SLC2A13: variants seen among roughly 807,000 people sequenced by gnomAD.
SLC2A13 encodes the protein solute carrier family 2 member 13.
SLC2A13 carries 32 observed loss-of-function variants against 64.4 expected under a neutral mutation model. That is an observed-to-expected ratio of 0.50 (90% confidence interval 0.37 to 0.67). The LOEUF (loss-of-function observed/expected upper bound fraction) is 0.67, where lower values mean the gene tolerates loss of function less well. Among genes scored for constraint, SLC2A13 ranks in the 30% least tolerant of loss-of-function variants. The pLI is 0.00. For synonymous variants in SLC2A13, 338 were observed against 327.1 expected (o/e 1.03, Z -0.36); for missense variants, 743 against 829.2 (o/e 0.90, Z 1.28).
At chr12:39,772,894 G>A (rs1940635907) in intron 7 of SLC2A13, among the ~76,000 whole-genome samples, 3 of 152,046 alleles carry the variant, frequency 2.0e-5, no homozygotes, top group African/African-American at 7.2e-5. Flanking sequence ...TGCTGATTTT[G>A]GGAAGGCACT....
chr12:39,905,771 A>G (rs1945257066), intron 4 of SLC2A13, among the ~76,000 whole-genome samples: 1 of 151,726 alleles, frequency 6.6e-6, no homozygotes, highest in South Asian at 2.1e-4. Flanking sequence ...AAAGTCTGCC[A>G]CAAATTGAAA....
intron 4 of SLC2A13, among the ~76,000 whole-genome samples, chr12:39,939,163 C>T (rs574231573): frequency 2.6e-4 from 39 of 152,288 alleles, no homozygotes; most frequent in African/African-American, 8.7e-4. Context: ...CTTCTTCCTT[C>T]TCTATTCCAC....
intron 4 of SLC2A13, among the ~76,000 whole-genome samples, chr12:39,937,815 A>G (rs1945942050): frequency 6.6e-6 from 1 of 152,166 alleles, no homozygotes; most frequent in African/African-American, 2.4e-5. Flanking sequence ...CCCACCATCT[A>G]AGGAGGCTTT....
intron 3 of SLC2A13, among the ~76,000 whole-genome samples, chr12:39,955,799 C>T (rs1390953): frequency 0.91 from 138,728 of 152,114 alleles, 63,995 homozygotes; most frequent in South Asian, 0.98. Context: ...ATTGGACCTA[C>T]GCAGCCAAAA....
At chr12:39,866,215 C>A (rs765631260) in intron 5 of SLC2A13, among the ~76,000 whole-genome samples, 1 of 152,130 alleles carries the variant, frequency 6.6e-6, no homozygotes, top group African/African-American at 2.4e-5. Context: ...TGAGAAGCAT[C>A]GTGGAAGTAC....
At chr12:39,853,914 T>TAAG (rs1943534134) in intron 6 of SLC2A13, among the ~76,000 whole-genome samples, 1 of 152,160 alleles carries the variant, frequency 6.6e-6, no homozygotes, top group Non-Finnish European at 1.5e-5. Flanking sequence ...TTAAAAACTC[T>TAAG]TGTTTTAGTG....
At chr12:39,918,987 T>C (rs1945568245) in intron 4 of SLC2A13, among the ~76,000 whole-genome samples, 1 of 151,996 alleles carries the variant, frequency 6.6e-6, no homozygotes, top group Non-Finnish European at 1.5e-5. Flanking sequence ...TATACATTTT[T>C]TTTTTAAGAG....
intron 4 of SLC2A13, among the ~76,000 whole-genome samples, chr12:39,943,804 G>A (rs548278332): frequency 7.2e-5 from 11 of 152,126 alleles, no homozygotes; most frequent in South Asian, 4.1e-4. Context: ...CTTTTCCCAC[G>A]GTCTTTGCAA....
At chr12:39,780,243 C>T (rs1277561362) in intron 7 of SLC2A13, among the ~76,000 whole-genome samples, 1 of 152,206 alleles carries the variant, frequency 6.6e-6, no homozygotes, top group African/African-American at 2.4e-5. Context: ...CAAGATTACA[C>T]AGTGACAGCA....
At chr12:39,810,369 C>T (rs190557676) in intron 7 of SLC2A13, among the ~76,000 whole-genome samples, 73 of 152,194 alleles carry the variant, frequency 4.8e-4, no homozygotes, top group African/African-American at 1.7e-3. Flanking sequence ...TCTACAATGA[C>T]CTTTTTTGAG....
intron 1 of SLC2A13, among the ~76,000 whole-genome samples, chr12:40,059,799 C>G (rs901587650): frequency 2.6e-5 from 4 of 152,054 alleles, no homozygotes; most frequent in Non-Finnish European, 4.4e-5. Context: ...CCCAGAAAGG[C>G]CTGTTAGATT....
Position 39,759,859 on chromosome 12 carries a change from A to T in SLC2A13, c.*167T>A. ...AAATATTGTTCCTTGTGGAAAAAAA[A>T]AGTCATCATGGTTGTATCTTCCTCC... On this transcript the variant is annotated 3_prime_UTR_variant, in exon 10 of 10. Transcript: ENST00000280871. The T allele has an allele frequency of 1.8e-6, 1 of 569,168 alleles. No individual in the cohort carries two copies. Among genetic ancestry groups the T allele is most frequent in the Non-Finnish European group, 3.1e-6 (1 of 324,092 alleles). 35.3% of individuals were successfully genotyped at this position (569,168 alleles called of 1,614,324 possible). A position where few individuals can be genotyped will look rare whatever the true frequency, so the allele number is the denominator to read the frequency against.
intron 6 of SLC2A13, among the ~76,000 whole-genome samples, chr12:39,848,425 T>A (rs1335801359): frequency 6.6e-6 from 1 of 151,882 alleles, no homozygotes; most frequent in Non-Finnish European, 1.5e-5. Flanking sequence ...ATGAAAAAAA[T>A]TCCATATCAC....
Position 39,842,243 on chromosome 12 carries a change from T to A in SLC2A13, c.1320-12015A>T, listed in dbSNP as rs571659463. 1.7e-4 allele frequency among the ~76,000 whole-genome samples: 26 copies of A among 152,170 alleles called. 1 individual carries two copies. In the South Asian group the frequency reaches 5.4e-3, roughly 32 times the overall value. On this transcript the variant is annotated intron_variant, in intron 6 of 9. Coordinates refer to ENST00000280871, the MANE Select transcript of SLC2A13 (RefSeq NM_052885.4). ...AAGACCAGATTAGAAATACAGAAAG[T>A]ACTTTAACATATATTGTACCATCTG...
At chr12:40,049,223 AAAG>A (rs1302097933) in intron 1 of SLC2A13, among the ~76,000 whole-genome samples, 1 of 152,098 alleles carries the variant, frequency 6.6e-6, no homozygotes, top group African/African-American at 2.4e-5. Context: ...ATAAAAAAAA[AAAG>A]ATTGCCTAAA....
intron 7 of SLC2A13, among the ~76,000 whole-genome samples, chr12:39,824,746 A>G (rs953398852): frequency 2.6e-5 from 4 of 152,236 alleles, no homozygotes; most frequent in African/African-American, 7.2e-5. Flanking sequence ...AGTATGCTAC[A>G]TCCAGGGGAG....
intron 6 of SLC2A13, among the ~76,000 whole-genome samples, chr12:39,836,123 TAA>T (rs1942996257): frequency 6.6e-6 from 1 of 152,056 alleles, no homozygotes; most frequent in Non-Finnish European, 1.5e-5. Context: ...AATTTCATAG[TAA>T]AAGGACATTA....
intron 1 of SLC2A13, among the ~76,000 whole-genome samples, chr12:40,054,214 A>T (rs1312390705): frequency 6.6e-6 from 1 of 152,190 alleles, no homozygotes; most frequent in Non-Finnish European, 1.5e-5. Flanking sequence ...CTCAAAGATG[A>T]TGATTTGAGA....
At chr12:39,930,799 A>G (rs1945814080) in intron 4 of SLC2A13, among the ~76,000 whole-genome samples, 1 of 152,228 alleles carries the variant, frequency 6.6e-6, no homozygotes, top group Non-Finnish European at 1.5e-5. Flanking sequence ...TCAGAACATC[A>G]TTTATTGTTT....
Sources: allele counts gnomAD v4.1 joint callset (sites outside exome capture counted in the v4.1 genomes callset), GRCh38; gene constraint gnomAD v4.1.1; transcripts MANE v1.5; gene names NCBI Gene and HGNC (gene_info 2026-07-23, HGNC 2026-07-21).